Variants in MYT1L observed in about 807,000 individuals in gnomAD.
MYT1L encodes myelin transcription factor 1-like protein.
MYT1L carries 12 observed loss-of-function variants against 126.7 expected under a neutral mutation model. The observed-to-expected ratio is 0.09, with a 90% CI of 0.06 to 0.15. MYT1L has a LOEUF of 0.15. Ranked by LOEUF, MYT1L falls within the 10% of genes least tolerant of loss-of-function variation. The probability of loss-of-function intolerance (pLI) is 1.00; values close to 1 mark genes in which losing one functional copy is unlikely to be tolerated. For synonymous variants in MYT1L, 541 were observed against 604.2 expected (o/e 0.90, Z 1.53); for missense variants, 979 against 1,585.2 (o/e 0.62, Z 6.49).
chr2:2,197,741 A>G lies in MYT1L; in HGVS notation c.-420-24753T>C, dbSNP rs114708938. On this transcript the variant is annotated intron_variant, in intron 2 of 24. Coordinates refer to ENST00000647738, the MANE Select transcript of MYT1L (RefSeq NM_001303052.2). Reference sequence around the variant, plus strand: ...AGAGATGTATATAACACACACATATATACACACATGCACACACACACACAA... The same window carrying G: ...AGAGATGTATATAACACACACATATGTACACACATGCACACACACACACAA... 6.3e-3 allele frequency among the ~76,000 whole-genome samples: 930 copies of G among 148,638 alleles called. 12 individuals are homozygous for G. The highest frequency in any genetic ancestry group is 0.022 in the African/African-American group (892 of 39,784).
At chr2:1,813,822 T>C (rs1384356298) in intron 21 of MYT1L, among the ~76,000 whole-genome samples, 3 of 134,606 alleles carry the variant, frequency 2.2e-5, no homozygotes, top group Admixed American at 7.7e-5. Flanking sequence ...GGTCAGGAGA[T>C]CGAGACCATC....
intron 4 of MYT1L, among the ~76,000 whole-genome samples, chr2:2,029,471 G>A (rs996259292): frequency 2.6e-5 from 4 of 152,158 alleles, no homozygotes; most frequent in Admixed American, 2.0e-4. Flanking sequence ...TCTCATGAGA[G>A]TTATTCACTA....
chr2:2,267,727 G>A (rs748060053), intron 2 of MYT1L, among the ~76,000 whole-genome samples: 2 of 152,158 alleles, frequency 1.3e-5, no homozygotes, highest in African/African-American at 2.4e-5. Flanking sequence ...CTCAAGGAAC[G>A]CAGGGGCATC....
intron 9 of MYT1L, among the ~76,000 whole-genome samples, chr2:1,924,023 G>A (rs2053907754): frequency 6.6e-6 from 1 of 152,202 alleles, no homozygotes; most frequent in African/African-American, 2.4e-5. Context: ...AAAAGGCGGG[G>A]TTGAGGTAAG....
At position 1,790,494 on chromosome 2, in the gene MYT1L, A is replaced by C. The variant is rs938348200; in HGVS notation, c.*1373T>G. The C allele has an allele frequency of 6.6e-6, 1 of 152,272 alleles. No individual in the cohort carries two copies. Among genetic ancestry groups the C allele is most frequent in the Non-Finnish European group, 1.5e-5 (1 of 68,064 alleles). The allele number at this position is 152,272 out of a possible 1,614,324, so 9.4% of individuals were successfully genotyped here. On this transcript the variant is annotated 3_prime_UTR_variant, in exon 25 of 25. Coordinates refer to ENST00000647738, the MANE Select transcript of MYT1L (RefSeq NM_001303052.2). ...AACAAGTCTAAGATGATCTAGTTTA[A>C]AGCAAAAAAGTGCTGAAGTATATTT...
rs181277038 is a variant in MYT1L, at chr2:1,823,465, G to T, written c.3081-14298C>A. Among the ~76,000 whole-genome samples, 710 of 152,354 alleles carry T rather than the reference G, an allele frequency of 4.7e-3. 8 individuals are homozygous for T. The highest frequency in any genetic ancestry group is 0.016 in the African/African-American group (684 of 41,586). On this transcript the variant is annotated intron_variant, in intron 21 of 24. Transcript: ENST00000647738. ...GTCCTGGAGGAGGGAGCAGGCAGTG[G>T]GCTGGAGTGGGTGTGGTTGACGCTG...
intron 4 of MYT1L, among the ~76,000 whole-genome samples, chr2:2,015,417 C>T (rs2064274499): frequency 6.6e-6 from 1 of 152,188 alleles, no homozygotes; most frequent in South Asian, 2.1e-4. Context: ...TATGGGAGGC[C>T]AGGCAGCTCC....
chr2:1,821,967 T>G (rs1292660284), intron 21 of MYT1L, among the ~76,000 whole-genome samples: 1 of 152,032 alleles, frequency 6.6e-6, no homozygotes, highest in Non-Finnish European at 1.5e-5. Context: ...CATCCGGGAG[T>G]CGAACCCCTC....
At chr2:1,958,107 G>A (rs1420279174) in intron 8 of MYT1L, among the ~76,000 whole-genome samples, 2 of 148,620 alleles carry the variant, frequency 1.3e-5, no homozygotes, top group African/African-American at 5.1e-5. Context: ...TTGTCGCTAA[G>A]GTCTGAGTTG....
chr2:2,100,495 C>T (rs574700258), intron 3 of MYT1L, among the ~76,000 whole-genome samples: 8 of 152,170 alleles, frequency 5.3e-5, no homozygotes, highest in South Asian at 2.1e-4. Context: ...TAGGAGGAGG[C>T]GATACCCTTT....
At chr2:1,796,694 C>G (rs1009202376) in intron 23 of MYT1L, among the ~76,000 whole-genome samples, 3 of 151,922 alleles carry the variant, frequency 2.0e-5, no homozygotes. Flanking sequence ...GCCTCCCAGC[C>G]GGCTCCGAGC....
chr2:1,908,921 TTTG>T (rs1298171562), intron 13 of MYT1L, among the ~76,000 whole-genome samples: 1 of 152,212 alleles, frequency 6.6e-6, no homozygotes, highest in Non-Finnish European at 1.5e-5. Context: ...CATAGATGGC[TTTG>T]TTTTCTTATT....
chr2:1,986,490 T>G (rs955248083), intron 5 of MYT1L, among the ~76,000 whole-genome samples: 1 of 152,180 alleles, frequency 6.6e-6, no homozygotes, highest in Non-Finnish European at 1.5e-5. Context: ...ATGGAACATT[T>G]GAAACTAAAC....
At chr2:1,815,737 G>C (rs759930734) in intron 21 of MYT1L, among the ~76,000 whole-genome samples, 4 of 152,218 alleles carry the variant, frequency 2.6e-5, no homozygotes, top group Non-Finnish European at 5.9e-5. Flanking sequence ...CCAGACAGTC[G>C]GTCAGGCCAG....
intron 3 of MYT1L, among the ~76,000 whole-genome samples, chr2:2,133,305 T>C (rs552716976): frequency 6.6e-5 from 10 of 152,210 alleles, no homozygotes; most frequent in African/African-American, 1.9e-4. Flanking sequence ...CTCCCAACAT[T>C]TGCAAATTAG....
intron 18 of MYT1L, among the ~76,000 whole-genome samples, chr2:1,860,303 G>A (rs568584677): frequency 6.6e-6 from 1 of 152,104 alleles, no homozygotes; most frequent in East Asian, 1.9e-4. Flanking sequence ...GGACTCGGAG[G>A]ACCCATGCAA....
chr2:2,085,498 T>C (rs969012812), intron 3 of MYT1L, among the ~76,000 whole-genome samples: 16 of 152,112 alleles, frequency 1.1e-4, no homozygotes, highest in African/African-American at 3.9e-4. Flanking sequence ...CCCAGAATAG[T>C]TTCTCCTTCT....
chr2:2,250,560 C>CA (rs1230829158), intron 2 of MYT1L, among the ~76,000 whole-genome samples: 4,299 of 90,730 alleles, frequency 0.047, 161 homozygotes, highest in East Asian at 0.17. Context: ...TGAAAGGGTA[C>CA]AAAAAAAAAA....
At chr2:1,849,443 G>T (rs748197496) in intron 19 of MYT1L, among the ~76,000 whole-genome samples, 6 of 151,898 alleles carry the variant, frequency 4.0e-5, no homozygotes, top group Non-Finnish European at 7.4e-5. Flanking sequence ...GGCTGTTTCT[G>T]TGCTGCCTGG....
Sources: gnomAD v4.1 joint callset for allele counts (sites outside exome capture counted in the v4.1 genomes callset) on GRCh38, gnomAD v4.1.1 for gene constraint, MANE v1.5 for transcripts, NCBI Gene and HGNC (gene_info 2026-07-23, HGNC 2026-07-21) for gene names.